CADM2: variants seen among roughly 807,000 people sequenced by gnomAD.
CADM2 encodes immunoglobulin superfamily member 4D.
Under a neutral mutation model 49.8 loss-of-function variants are expected in CADM2, and 12 were observed. The ratio of observed to expected loss-of-function variants is 0.24; its 90% CI spans 0.15 to 0.39. CADM2 has a LOEUF of 0.39. Among genes scored for constraint, CADM2 ranks in the 10% least tolerant of loss-of-function variants. CADM2 has a pLI of 1.00. For synonymous variants in CADM2, 214 were observed against 175.4 expected (o/e 1.22, Z -1.74); for missense variants, 378 against 492.3 (o/e 0.77, Z 2.20).
In CADM2 at chr3:85,922,908, G is replaced by A. The variant is rs190011253; in HGVS notation, c.700+10365G>A. ...ACTATCTTGGCTCACTGCAACCTCC[G>A]CCTCCCGGGTTCAAGCGATTCTCCT... is the stretch of plus-strand genomic sequence containing the variant. On this transcript the variant is annotated intron_variant, in intron 6 of 9. Transcript: ENST00000383699. Among the ~76,000 whole-genome samples the A allele has an allele frequency of 8.6e-3, 1,303 of 150,788 alleles. 42 individuals carry two copies. The South Asian group carries it at 0.093, about 11-fold the overall frequency.
intron 1 of CADM2, among the ~76,000 whole-genome samples, chr3:85,553,419 C>G (rs2061867622): frequency 6.6e-6 from 1 of 152,096 alleles, no homozygotes; most frequent in African/African-American, 2.4e-5. Context: ...CAAGCACAGG[C>G]TAATTTTGAG....
intron 1 of CADM2, among the ~76,000 whole-genome samples, chr3:85,343,832 T>C (rs1311661883): frequency 6.6e-6 from 1 of 152,192 alleles, no homozygotes; most frequent in African/African-American, 2.4e-5. Flanking sequence ...ATCTTGTTTG[T>C]TTTTACATCT....
intron 1 of CADM2, among the ~76,000 whole-genome samples, chr3:85,078,226 T>C (rs2107492895): frequency 6.6e-6 from 1 of 152,070 alleles, no homozygotes; most frequent in South Asian, 2.1e-4. Context: ...AAATTTGTCC[T>C]GCAGAAAGAG....
intron 1 of CADM2, among the ~76,000 whole-genome samples, chr3:85,669,225 T>A (rs2065665731): frequency 6.6e-6 from 1 of 152,144 alleles, no homozygotes; most frequent in Non-Finnish European, 1.5e-5. Flanking sequence ...AACAAGTAGT[T>A]CATTTTTTAC....
intron 1 of CADM2, among the ~76,000 whole-genome samples, chr3:85,015,123 G>A (rs1576037500): frequency 6.6e-6 from 1 of 151,762 alleles, no homozygotes; most frequent in African/African-American, 2.4e-5. Flanking sequence ...GTATATGTGT[G>A]TATATATAAA....
At chr3:85,595,802 G>A (rs2063225210) in intron 1 of CADM2, among the ~76,000 whole-genome samples, 1 of 151,952 alleles carries the variant, frequency 6.6e-6, no homozygotes, top group African/African-American at 2.4e-5. Context: ...CATTAAACAA[G>A]TGTATATCTT....
intron 1 of CADM2, among the ~76,000 whole-genome samples, chr3:85,488,351 A>C (rs2039517146): frequency 6.6e-6 from 1 of 152,146 alleles, no homozygotes; most frequent in Non-Finnish European, 1.5e-5. Flanking sequence ...TCTAGGTTAC[A>C]GATTTGATAT....
chr3:85,109,205 G>A (rs906044223), intron 1 of CADM2, among the ~76,000 whole-genome samples: 10 of 151,980 alleles, frequency 6.6e-5, no homozygotes, highest in African/African-American at 2.2e-4. Flanking sequence ...AGCATCAACT[G>A]TCATAGCTAT....
chr3:85,358,703 G>A (rs1228003936), intron 1 of CADM2, among the ~76,000 whole-genome samples: 1 of 152,246 alleles, frequency 6.6e-6, no homozygotes, highest in African/African-American at 2.4e-5. Flanking sequence ...TAGAAGAACT[G>A]TTTATGTGTA....
intron 3 of CADM2, among the ~76,000 whole-genome samples, chr3:85,866,038 T>C (rs897213064): frequency 1.3e-5 from 2 of 152,074 alleles, no homozygotes; most frequent in Admixed American, 6.6e-5. Flanking sequence ...CTTGGGAGGC[T>C]GAGGCAGGAG....
intron 2 of CADM2, among the ~76,000 whole-genome samples, chr3:85,781,208 A>G (rs1229009656): frequency 1.3e-5 from 2 of 152,136 alleles, no homozygotes; most frequent in African/African-American, 4.8e-5. Flanking sequence ...TAGCTGGAAA[A>G]CCAAGGTCAT....
chr3:85,623,917 A>G (rs1468784329), intron 1 of CADM2, among the ~76,000 whole-genome samples: 1 of 152,038 alleles, frequency 6.6e-6, no homozygotes, highest in Non-Finnish European at 1.5e-5. Context: ...AATCTCTATG[A>G]GAAAAAAAAT....
chr3:85,589,078 C>T (rs939069194), intron 1 of CADM2, among the ~76,000 whole-genome samples: 3 of 151,938 alleles, frequency 2.0e-5, no homozygotes, highest in Admixed American at 1.3e-4. Flanking sequence ...TCATGAGAGC[C>T]AGTCCTTAGA....
intron 1 of CADM2, among the ~76,000 whole-genome samples, chr3:85,130,720 G>C (rs1246265322): frequency 6.6e-6 from 1 of 152,126 alleles, no homozygotes; most frequent in Non-Finnish European, 1.5e-5. Context: ...TTTGTAAGTA[G>C]ACTTCTATTT....
intron 3 of CADM2, among the ~76,000 whole-genome samples, chr3:85,863,548 C>A (rs961964750): frequency 1.3e-5 from 2 of 152,188 alleles, no homozygotes; most frequent in Non-Finnish European, 2.9e-5. Context: ...CTGTCTCACA[C>A]ACTTGCTTGT....
chr3:85,552,366 G>GTTTTTTTTT (rs36014885), intron 1 of CADM2, among the ~76,000 whole-genome samples: 2 of 87,588 alleles, frequency 2.3e-5, no homozygotes, highest in African/African-American at 9.3e-5. Context: ...ACTTTGAAAA[G>GTTTTTTTTT]TTTTTTTTTT....
intron 1 of CADM2, among the ~76,000 whole-genome samples, chr3:85,695,317 C>G (rs1198936256): frequency 6.6e-6 from 1 of 152,016 alleles, no homozygotes; most frequent in Non-Finnish European, 1.5e-5. Flanking sequence ...AGGTGATTTT[C>G]TATTCCCACC....
intron 5 of CADM2, among the ~76,000 whole-genome samples, chr3:85,901,839 C>T (rs1045142185): frequency 6.6e-6 from 1 of 152,128 alleles, no homozygotes; most frequent in Admixed American, 6.6e-5. Flanking sequence ...CACAAATCTA[C>T]TTTCTGTCTG....
At chr3:85,870,286 T>G (rs2108351105) in intron 3 of CADM2, among the ~76,000 whole-genome samples, 1 of 152,100 alleles carries the variant, frequency 6.6e-6, no homozygotes, top group South Asian at 2.1e-4. Context: ...TCAGGGTACA[T>G]GTGCAGATTT....
Sources: allele counts gnomAD v4.1 joint callset (sites outside exome capture counted in the v4.1 genomes callset), GRCh38; gene constraint gnomAD v4.1.1; transcripts MANE v1.5; gene names NCBI Gene and HGNC (gene_info 2026-07-23, HGNC 2026-07-21).